Variants in NDRG1 observed in about 807,000 individuals in gnomAD.
NDRG1 encodes the protein protein NDRG1.
A neutral mutation model predicts 56.9 loss-of-function variants in NDRG1; 32 were observed. That is an observed-to-expected ratio of 0.56 (90% CI 0.42 to 0.76). The LOEUF is 0.76. NDRG1 is among the 30% of genes least tolerant of loss of function. The probability of loss-of-function intolerance (pLI) is 0.00; values close to 1 mark genes in which losing one functional copy is unlikely to be tolerated. For missense variants in NDRG1, 507 were observed against 545.7 expected (o/e 0.93, Z 0.71); for synonymous variants, 211 against 204.1 (o/e 1.03, Z -0.29).
At chr8:133,243,438 C>T (rs1010762463) in intron 14 of NDRG1, among the ~76,000 whole-genome samples, 4 of 152,178 alleles carry the variant, frequency 2.6e-5, no homozygotes, top group Non-Finnish European at 5.9e-5. Context: ...GGATAAAATG[C>T]TTGCTCTTCC....
intron 1 of NDRG1, among the ~76,000 whole-genome samples, chr8:133,286,460 G>T (rs143342985): frequency 1.3e-5 from 2 of 152,082 alleles, no homozygotes; most frequent in African/African-American, 2.4e-5. Flanking sequence ...CACCTTCCCC[G>T]TTTCCTCTAT....
intron 15 of NDRG1, chr8:133,240,213 G>A (rs2130660849): frequency 1.3e-5 from 2 of 152,324 alleles, no homozygotes; most frequent in South Asian, 2.1e-4. Context: ...GTGGAGATTT[G>A]TTACGGCAGC....
intron 5 of NDRG1, among the ~76,000 whole-genome samples, chr8:133,260,597 G>T (rs1194370391): frequency 6.6e-6 from 1 of 152,168 alleles, no homozygotes; most frequent in African/African-American, 2.4e-5. Flanking sequence ...CACACAACTG[G>T]TCCAACCAAA....
chr8:133,291,555 T>C (rs1267956656), intron 1 of NDRG1, among the ~76,000 whole-genome samples: 1 of 152,182 alleles, frequency 6.6e-6, no homozygotes, highest in African/African-American at 2.4e-5. Flanking sequence ...ACGAACTGTC[T>C]TTCTTAACTA....
chr8:133,284,957 G>A (rs997203372), intron 1 of NDRG1: 17 of 426,724 alleles, frequency 4.0e-5, no homozygotes, highest in Middle Eastern at 3.5e-4. Flanking sequence ...GCATTTGAAC[G>A]CACAGTACAA....
chr8:133,284,942 G>C (rs1477841813), intron 1 of NDRG1: 1 of 438,706 alleles, frequency 2.3e-6, no homozygotes, highest in Non-Finnish European at 4.6e-6. Flanking sequence ...CAAGGAGTTT[G>C]GCAGGCATTT....
chr8:133,275,461 T>C (rs1249572839), intron 3 of NDRG1, among the ~76,000 whole-genome samples: 1 of 152,166 alleles, frequency 6.6e-6, no homozygotes, highest in Non-Finnish European at 1.5e-5. Context: ...CCTTTGCTTG[T>C]GCTGTTACCT....
chr8:133,266,965 C>T (rs1223404441), intron 3 of NDRG1, among the ~76,000 whole-genome samples: 1 of 152,106 alleles, frequency 6.6e-6, no homozygotes, highest in Non-Finnish European at 1.5e-5. Context: ...AGAAAAATGG[C>T]ATCCAATTCC....
intron 11 of NDRG1, 63 bp from the exon 12 acceptor site, chr8:133,247,989 G>A: frequency 6.5e-7 from 1 of 1,539,698 alleles, no homozygotes; most frequent in Non-Finnish European, 9.0e-7. Context: ...CCCACTCCCA[G>A]GCCTGCCAGG....
chr8:133,254,558 A>C lies in NDRG1; in HGVS notation c.575T>G (p.Val192Gly). The C allele has an allele frequency of 6.2e-7, 1 of 1,614,152 alleles. No homozygotes were observed. Among genetic ancestry groups the C allele is most frequent in the Non-Finnish European group, 8.5e-7 (1 of 1,180,000 alleles). The change falls in exon 9 of 16, where the codon GTG becomes GGG. Residue 192 changes from valine to glycine, a missense_variant. Val to Gly is a moderately radical substitution (Grantham distance 109). Coordinates refer to ENST00000323851, the MANE Select transcript of NDRG1 (RefSeq NM_006096.4). ...ACTCACCTTCCCAAAAAGGTGGGAC[A>C]CCACCATGTCCGGCAGAGCTTGGGT... is the stretch of plus-strand genomic sequence containing the variant. ...GWTQALPDMV[V>G]SHLFGKEEMQ...
At chr8:133,239,769 G>A (rs1278478244) in intron 15 of NDRG1, 2 of 155,378 alleles carry the variant, frequency 1.3e-5, no homozygotes, top group African/African-American at 2.4e-5. Context: ...GTGGAATGAG[G>A]AGGAACAATC....
In NDRG1 at chr8:133,238,974, G is replaced by A. The variant is rs1855222014; in HGVS notation, c.1089C>T (p.Arg363=). Residue 363 remains arginine, a synonymous_variant, in exon 16 of 16, where the codon CGC becomes CGT. Transcript: ENST00000323851. ...GGTGGGCCCCCTCGCTGGTGTGCGA[G>A]CGGCTGCGGGTGCCCTCGCTGGTGT... ...RSHTSEGTRS[R]SHTSEGAHLD... is the part of the protein sequence containing the mutation. The A allele has an allele frequency of 2.5e-6, 4 of 1,589,884 alleles. No homozygotes were observed. The highest frequency in any genetic ancestry group is 3.4e-6 in the Non-Finnish European group (4 of 1,169,800).
At chr8:133,249,490 G>A (rs1412663477) in intron 10 of NDRG1, 1 of 155,262 alleles carries the variant, frequency 6.4e-6, no homozygotes, top group Non-Finnish European at 1.4e-5. Flanking sequence ...AACAGGAAAT[G>A]ACAGTAATTC....
intron 12 of NDRG1, 126 bp downstream of exon 12, chr8:133,247,749 T>C (rs1032075694): frequency 6.7e-6 from 7 of 1,043,700 alleles, no homozygotes; most frequent in Non-Finnish European, 1.0e-5. Flanking sequence ...CAATATGGCA[T>C]TTCAAAAAAC....
intron 14 of NDRG1, among the ~76,000 whole-genome samples, chr8:133,243,988 A>G (rs966651935): frequency 1.3e-5 from 2 of 152,120 alleles, no homozygotes; most frequent in East Asian, 1.9e-4. Flanking sequence ...ACATGCATGC[A>G]CACACACACA....
chr8:133,282,966 A>T (rs1053046649), intron 2 of NDRG1, among the ~76,000 whole-genome samples: 1 of 152,196 alleles, frequency 6.6e-6, no homozygotes, highest in African/African-American at 2.4e-5. Flanking sequence ...TTTATTTTTA[A>T]ATCTGCAAAA....
rs1187575699 is a variant in NDRG1 at position 133,237,667 on chromosome 8, C to G, written c.*1211G>C. 4.7e-5 allele frequency: 11 copies of G among 233,068 alleles called. No individual in the cohort carries two copies. The highest frequency in any genetic ancestry group is 8.5e-5 in the Non-Finnish European group (10 of 118,022). 14.4% of individuals were successfully genotyped at this position (233,068 alleles called of 1,614,324 possible). On this transcript the variant is annotated 3_prime_UTR_variant, in exon 16 of 16. Transcript: ENST00000323851. The stretch of plus-strand genomic sequence containing the variant: ...GTATTCCAGAATCCTTACATTTTCT[C>G]AGCCACCGCTCCCCACGTGAGTTCC...
At chr8:133,255,915 C>G (rs72731566) in intron 8 of NDRG1, 4,481 of 154,254 alleles carry the variant, frequency 0.029, 100 homozygotes, top group Middle Eastern at 0.079. Context: ...ACAAAAACAC[C>G]ACAATGATAA....
chr8:133,241,848 G>A (rs540246450), intron 15 of NDRG1, 175 bp downstream of exon 15: 88 of 696,568 alleles, frequency 1.3e-4, no homozygotes, highest in African/African-American at 1.2e-3. Context: ...TGATAAATGA[G>A]AGGCTAGATC....
Sources: gnomAD v4.1 joint callset for allele counts (sites outside exome capture counted in the v4.1 genomes callset) on GRCh38, gnomAD v4.1.1 for gene constraint, MANE v1.5 for transcripts, NCBI Gene and HGNC (gene_info 2026-07-23, HGNC 2026-07-21) for gene names.